Variants in PIGR observed in about 807,000 individuals in gnomAD.
The protein encoded by PIGR is hepatocellular carcinoma associated protein TB6.
A neutral mutation model predicts 69.5 loss-of-function variants in PIGR; 22 were observed. That is an observed-to-expected ratio of 0.32 (90% CI 0.23 to 0.45). The LOEUF (loss-of-function observed/expected upper bound fraction) is 0.45, where lower values mean the gene tolerates loss of function less well. PIGR is among the 20% of genes least tolerant of loss of function. The pLI is 1.00. For synonymous variants in PIGR, 413 were observed against 407.6 expected (o/e 1.01, Z -0.16); for missense variants, 885 against 974.0 (o/e 0.91, Z 1.22).
At chr1:206,932,329 C>T in intron 8 of PIGR, 127 bp downstream of exon 8, 1 of 1,162,422 alleles carries the variant, frequency 8.6e-7, no homozygotes, top group Non-Finnish European at 1.2e-6. Flanking sequence ...CCCCATCCTG[C>T]TTTCTCGGGA....
rs1679839477 is a variant in PIGR, at chr1:206,935,246, C to A, written c.1378+240G>T. On this transcript the variant is annotated intron_variant, in intron 5 of 10. Coordinates refer to ENST00000356495, the MANE Select transcript of PIGR (RefSeq NM_002644.4). The surrounding 1 kb of genome is among the most constrained non-coding windows in gnomAD (Gnocchi z 4.4). ...AGGTATCTGCAATCCTTGACTTCAG[C>A]TGATGCCTGCACACTGCGAAAGAAG... Among the ~76,000 whole-genome samples the A allele has an allele frequency of 6.6e-6, 1 of 152,166 alleles. No individual in the cohort carries two copies. The highest frequency in any genetic ancestry group is 2.4e-5 in the African/African-American group (1 of 41,422).
rs150455370 is a variant in PIGR, at chr1:206,936,952, G to A, written c.1045+143C>T. ...CTTGCTGTCCTGTGCAGCAGCCCACGCAGCCTCCAGTTCGGGGCTGGTCAT... is the reference window on the plus strand; with the variant it reads ...CTTGCTGTCCTGTGCAGCAGCCCACACAGCCTCCAGTTCGGGGCTGGTCAT... On this transcript the variant is annotated intron_variant, in intron 4 of 10. Coordinates refer to ENST00000356495, the MANE Select transcript of PIGR (RefSeq NM_002644.4). The A allele has an allele frequency of 1.9e-3, 1,439 of 764,008 alleles. 1 individual carries two copies. Among genetic ancestry groups the A allele is most frequent in the African/African-American group, 7.1e-3 (404 of 56,686 alleles). The allele number at this position is 764,008 out of a possible 1,614,324, so 47.3% of individuals were successfully genotyped here.
intron 3 of PIGR, 22 bp downstream of exon 3, chr1:206,939,097 C>A (rs1012428683): frequency 4.5e-5 from 71 of 1,574,322 alleles, no homozygotes; most frequent in Non-Finnish European, 5.5e-5. Context: ...CCCCCAGAAG[C>A]CCAAGGAGCT....
At chr1:206,931,883 G>A in intron 8 of PIGR, 81 bp from the exon 9 acceptor site, 1 of 1,510,482 alleles carries the variant, frequency 6.6e-7, no homozygotes, top group South Asian at 1.1e-5. Flanking sequence ...TCTCTGGGCG[G>A]ATCCACTGTA....
Position 206,929,634 on chromosome 1 carries a change from T to G in PIGR, c.*684A>C, listed in dbSNP as rs1254634328. 2 of 152,204 alleles carry G rather than the reference T, an allele frequency of 1.3e-5. No homozygotes were observed. The highest frequency in any genetic ancestry group is 4.8e-5 in the African/African-American group (2 of 41,434). 9.4% of individuals were successfully genotyped at this position (152,204 alleles called of 1,614,324 possible). A position where few individuals can be genotyped will look rare whatever the true frequency, so the allele number is the denominator to read the frequency against. On this transcript the variant is annotated 3_prime_UTR_variant, in exon 11 of 11. Coordinates refer to ENST00000356495, the MANE Select transcript of PIGR (RefSeq NM_002644.4). ...AATGGTAAGAATGTGGGTTTATAAT[T>G]ACCTGTGTGTATGCTCATCATACAT... is the stretch of plus-strand genomic sequence containing the variant.
At position 206,934,736 on chromosome 1, in the gene PIGR, G is replaced by A. The variant is rs139224071; in HGVS notation, c.1389C>T (p.Asn463=). 1.9e-6 allele frequency: 3 copies of A among 1,604,606 alleles called. No homozygotes were observed. Among genetic ancestry groups the A allele is most frequent in the African/African-American group, 2.7e-5 (2 of 74,894 alleles). ...VEIKIIEGEP[N]LKVPGNVTAV... ...CCGTGACATTCCCTGGTACCTTGAG[G>A]TTTGGTTCTCCTGGAGGAGGGAGGG... Residue 463 remains asparagine (N), a synonymous_variant, in exon 6 of 11, where the codon AAC becomes AAT. Transcript: ENST00000356495.
chr1:206,943,709 T>C (rs371991908), intron 1 of PIGR, among the ~76,000 whole-genome samples: 10 of 152,358 alleles, frequency 6.6e-5, no homozygotes, highest in African/African-American at 2.4e-4. Context: ...AAAGGTCCCC[T>C]GGACTTGGTA....
Position 206,930,471 on chromosome 1 carries a change from A to T in PIGR, c.2200-58T>A. ...GGGCACTGGCTCAGTGGGTGGAGTC[A>T]GGGGAGGGGAGGTGCTTAATGTCCT... On this transcript the variant is annotated intron_variant, in intron 10 of 10. Coordinates refer to ENST00000356495, the MANE Select transcript of PIGR (RefSeq NM_002644.4). The surrounding 1 kb of genome is among the most constrained non-coding windows in gnomAD (Gnocchi z 4.3). 1.3e-6 allele frequency: 2 copies of T among 1,555,660 alleles called. No individual in the cohort carries two copies. Among genetic ancestry groups the T allele is most frequent in the South Asian group, 1.2e-5 (1 of 82,648 alleles).
intron 4 of PIGR, among the ~76,000 whole-genome samples, chr1:206,936,312 C>G (rs577084596): frequency 6.6e-6 from 1 of 152,140 alleles, no homozygotes; most frequent in African/African-American, 2.4e-5. Flanking sequence ...ATCTCAAAGA[C>G]GATAGCCATT....
chr1:206,934,411 G>C lies in PIGR; in HGVS notation c.1705+9C>G. 3 of 1,610,214 alleles carry C rather than the reference G, an allele frequency of 1.9e-6. No individual in the cohort carries two copies. Among genetic ancestry groups the C allele is most frequent in the Non-Finnish European group, 2.5e-6 (3 of 1,177,590 alleles). ...CTGAGGGGTGCAGGCCCTGTCCTTG[G>C]AGACTCACCCGCTGCCTTCCTCTCT... On this transcript the variant is annotated intron_variant, in intron 6 of 10. Coordinates refer to ENST00000356495, the MANE Select transcript of PIGR (RefSeq NM_002644.4).
At chr1:206,938,779 C>A (rs893357073) in intron 3 of PIGR, among the ~76,000 whole-genome samples, 2 of 152,102 alleles carry the variant, frequency 1.3e-5, no homozygotes, top group Admixed American at 1.3e-4. Flanking sequence ...TAAATCTCTC[C>A]CTACCTTTTC....
intron 1 of PIGR, among the ~76,000 whole-genome samples, chr1:206,941,680 C>T (rs767817975): frequency 1.1e-4 from 17 of 152,342 alleles, no homozygotes; most frequent in Non-Finnish European, 2.4e-4. Context: ...ACCACTCAGA[C>T]GGAGCAGCCT....
In PIGR at chr1:206,931,494, C is replaced by T; in HGVS notation, c.2199+3G>A. The stretch of plus-strand genomic sequence containing the variant: ...GTAGTGGGGCTTCCTTCTTCCTCCT[C>T]ACCCTTTTTGCCTTCTTGGGTTCTT... On this transcript the variant is annotated splice_donor_region_variant and intron_variant, in intron 10 of 10. Transcript: ENST00000356495. 3 of 1,614,108 alleles carry T rather than the reference C, an allele frequency of 1.9e-6. No individual in the cohort carries two copies. In the South Asian group the frequency reaches 3.3e-5, roughly 18 times the overall value.
Position 206,931,527 on chromosome 1 carries a change from T to G in PIGR, c.2169A>C (p.Thr723=). 4 of 1,614,184 alleles carry G rather than the reference T, an allele frequency of 2.5e-6. No homozygotes were observed. Among genetic ancestry groups the G allele is most frequent in the Non-Finnish European group, 8.5e-7 (1 of 1,180,034 alleles). Residue 723 remains threonine (T), a synonymous_variant, in exon 10 of 11, where the codon ACA becomes ACC. Transcript: ENST00000356495. ...EEFVATTEST[T]ETKEPKKAKR... Reference sequence around the variant, plus strand: ...TTGCCTTCTTGGGTTCTTTGGTCTCTGTGGTGCTCTCAGTGGTGGCAACAA... The same window carrying G: ...TTGCCTTCTTGGGTTCTTTGGTCTCGGTGGTGCTCTCAGTGGTGGCAACAA...
intron 8 of PIGR, 68 bp downstream of exon 8, chr1:206,932,388 T>C: frequency 6.7e-7 from 1 of 1,503,510 alleles, no homozygotes. Flanking sequence ...GCTTCCTCTA[T>C]GGGTGGATGA....
intron 1 of PIGR, among the ~76,000 whole-genome samples, chr1:206,944,389 C>G (rs1408508952): frequency 6.6e-6 from 1 of 152,148 alleles, no homozygotes; most frequent in African/African-American, 2.4e-5. Context: ...AGGAGAATCG[C>G]TGGAACCCAG....
At position 206,935,814 on chromosome 1, in the gene PIGR, G is replaced by T. The variant is rs1375712440; in HGVS notation, c.1050C>A (p.Ser350=). 2 of 1,595,736 alleles carry T rather than the reference G, an allele frequency of 1.3e-6. No individual in the cohort carries two copies. Among genetic ancestry groups the T allele is most frequent in the Non-Finnish European group, 1.7e-6 (2 of 1,167,080 alleles). The change falls in exon 5 of 11, where the codon TCC becomes TCA. Residue 350 remains serine (S), a synonymous_variant. Coordinates refer to ENST00000356495, the MANE Select transcript of PIGR (RefSeq NM_002644.4). The surrounding 1 kb of genome is among the most constrained non-coding windows in gnomAD (Gnocchi z 4.4). The part of the protein sequence containing the change: ...QAWQLFVNEE[S]TIPRSPTVVK... ...CCACAGTGGGGCTGCGGGGAATCGTGGACTCTGGAAGCACAGACAGAGATG... is the reference window on the plus strand; with the variant it reads ...CCACAGTGGGGCTGCGGGGAATCGTTGACTCTGGAAGCACAGACAGAGATG...
At chr1:206,934,214 T>G (rs1679818311) in intron 6 of PIGR, among the ~76,000 whole-genome samples, 2 of 152,138 alleles carry the variant, frequency 1.3e-5, no homozygotes, top group Admixed American at 1.3e-4. Context: ...TTTTACTTAG[T>G]TGGTATGTTT....
In PIGR at chr1:206,939,455, T is replaced by G; in HGVS notation, c.52A>C (p.Thr18Pro). Residue 18 changes from threonine to proline, a missense_variant, in exon 3 of 11, where the codon ACG becomes CCG. Transcript: ENST00000356495. The part of the protein sequence containing the change: ...CLLAVFPAIS[T>P]KSPIFGPEEV... The stretch of plus-strand genomic sequence containing the variant: ...TCGGGACCAAATATGGGACTCTTCG[T>G]GGAGATGGCTGTGGGAACAGAAGAG... 1 of 1,595,090 alleles carries G rather than the reference T, an allele frequency of 6.3e-7. No individual in the cohort carries two copies. The highest frequency in any genetic ancestry group is 8.6e-7 in the Non-Finnish European group (1 of 1,166,042).
Sources: allele counts gnomAD v4.1 joint callset (sites outside exome capture counted in the v4.1 genomes callset), GRCh38; gene constraint gnomAD v4.1.1; non-coding constraint Gnocchi (gnomAD v3.1); transcripts MANE v1.5; gene names NCBI Gene and HGNC (gene_info 2026-07-23, HGNC 2026-07-21).